F13A1: variants seen among roughly 807,000 people sequenced by gnomAD.
F13A1 encodes FSF, A subunit.
F13A1 carries 47 observed loss-of-function variants against 80.1 expected under a neutral mutation model. The ratio of observed to expected loss-of-function variants is 0.59; its 90% CI spans 0.46 to 0.75. F13A1 has a LOEUF of 0.75. Among genes scored for constraint, F13A1 ranks in the 30% least tolerant of loss-of-function variants. The probability of loss-of-function intolerance (pLI) is 0.00; values close to 1 mark genes in which losing one functional copy is unlikely to be tolerated. For synonymous variants in F13A1, 349 were observed against 344.9 expected, an observed-to-expected ratio of 1.01 and a Z score of -0.13; for missense variants, 817 against 930.4, an observed-to-expected ratio of 0.88 and a Z score of 1.59.
intron 4 of F13A1, among the ~76,000 whole-genome samples, chr6:6,263,975 C>T (rs1757810986): frequency 6.6e-6 from 1 of 152,226 alleles, no homozygotes; most frequent in African/African-American, 2.4e-5. Context: ...GTCCCACCTT[C>T]CTCCAATCCT....
At chr6:6,254,575 T>C (rs980346329) in intron 4 of F13A1, among the ~76,000 whole-genome samples, 5 of 152,204 alleles carry the variant, frequency 3.3e-5, no homozygotes, top group African/African-American at 7.2e-5. Context: ...TAGGTATATA[T>C]ATGCCATCAA....
chr6:6,318,190 G>A (rs1758713240), intron 2 of F13A1, among the ~76,000 whole-genome samples: 1 of 152,222 alleles, frequency 6.6e-6, no homozygotes, highest in Admixed American at 6.5e-5. Context: ...ATTCCAGCTA[G>A]AGAAAATTCT....
In F13A1 at chr6:6,151,953, A is replaced by T; in HGVS notation, c.1909-4T>A. 6.2e-7 allele frequency: 1 copy of T among 1,613,834 alleles called. No homozygotes were observed. Among genetic ancestry groups the T allele is most frequent in the South Asian group, 1.1e-5 (1 of 91,074 alleles). On this transcript the variant is annotated splice_polypyrimidine_tract_variant and splice_region_variant and intron_variant, in intron 13 of 14. Transcript: ENST00000264870. The stretch of plus-strand genomic sequence containing the variant: ...CAACTACCTGAGTGCCACGGACCTA[A>T]GAGAGAGAATGCAGGTCATTAGCAC...
chr6:6,316,112 T>C (rs867167077), intron 2 of F13A1, among the ~76,000 whole-genome samples: 610 of 56,310 alleles, frequency 0.011, 97 homozygotes, highest in African/African-American at 0.044. Context: ...TATATATATA[T>C]ATATATATAT....
At chr6:6,307,904 T>C (rs1758535780) in intron 2 of F13A1, among the ~76,000 whole-genome samples, 2 of 152,218 alleles carry the variant, frequency 1.3e-5, no homozygotes, top group Admixed American at 1.3e-4. Context: ...TTCTGACTTC[T>C]AGATAAATAT....
At chr6:6,195,204 G>A (rs1409040053) in intron 10 of F13A1, among the ~76,000 whole-genome samples, 1 of 152,248 alleles carries the variant, frequency 6.6e-6, no homozygotes, top group African/African-American at 2.4e-5. Context: ...AAATGGCAGA[G>A]CCTTTGCCCA....
chr6:6,194,620 T>C (rs941646298), intron 10 of F13A1, among the ~76,000 whole-genome samples: 2 of 152,210 alleles, frequency 1.3e-5, no homozygotes, highest in Non-Finnish European at 2.9e-5. Context: ...ATGCATCATA[T>C]GAATGCAGAT....
chr6:6,258,280 T>A (rs1295318707), intron 4 of F13A1, among the ~76,000 whole-genome samples: 1 of 152,142 alleles, frequency 6.6e-6, no homozygotes, highest in Non-Finnish European at 1.5e-5. Flanking sequence ...GAAATCTGAG[T>A]CTAATAATCG....
At chr6:6,303,542 G>A (rs991423780) in intron 3 of F13A1, among the ~76,000 whole-genome samples, 1 of 151,942 alleles carries the variant, frequency 6.6e-6, no homozygotes, top group African/African-American at 2.4e-5. Flanking sequence ...ATTTCTTTGT[G>A]GTGAGAATAT....
chr6:6,208,639 ATC>A (rs1471539669), intron 8 of F13A1, among the ~76,000 whole-genome samples: 36 of 152,168 alleles, frequency 2.4e-4, no homozygotes, highest in African/African-American at 8.7e-4. Flanking sequence ...CAAATAGAGA[ATC>A]TCTTTTTTAC....
Position 6,182,041 on chromosome 6 carries a change from T to C in F13A1, c.1406A>G (p.Gln469Arg). 1.2e-6 allele frequency: 2 copies of C among 1,614,240 alleles called. No individual in the cohort carries two copies. The highest frequency in any genetic ancestry group is 1.7e-6 in the Non-Finnish European group (2 of 1,180,026). ...THIGKLIVTK[Q>R]IGGDGMMDIT... is the part of the protein sequence containing the mutation. Reference sequence around the variant, plus strand: ...ATCCATCATGCCATCTCCTCCAATTTGTTTGGTCACAATTAATTTCCCAAT... The same window carrying C: ...ATCCATCATGCCATCTCCTCCAATTCGTTTGGTCACAATTAATTTCCCAAT... The change falls in exon 11 of 15, where the codon CAA becomes CGA. Residue 469 changes from glutamine (Q) to arginine (R), a missense_variant. Gln to Arg is a conservative substitution (Grantham distance 43, BLOSUM62 1). Coordinates refer to ENST00000264870, the MANE Select transcript of F13A1 (RefSeq NM_000129.4).
chr6:6,154,157 AAAAAC>A (rs1230357689), intron 13 of F13A1, among the ~76,000 whole-genome samples: 10 of 149,232 alleles, frequency 6.7e-5, no homozygotes, highest in African/African-American at 2.2e-4. Flanking sequence ...AAAAAAAAAA[AAAAAC>A]GGCAGTCAGA....
chr6:6,292,129 C>A, intron 3 of F13A1, among the ~76,000 whole-genome samples: 1 of 152,156 alleles, frequency 6.6e-6, no homozygotes, highest in East Asian at 1.9e-4. Flanking sequence ...ATGGAGATGG[C>A]CATAGTCCAA....
intron 4 of F13A1, among the ~76,000 whole-genome samples, chr6:6,256,962 G>A (rs1222381354): frequency 6.6e-6 from 1 of 152,206 alleles, no homozygotes. Context: ...GTTTAAACCA[G>A]AGTTTGGTGT....
intron 13 of F13A1, among the ~76,000 whole-genome samples, chr6:6,166,524 G>A (rs530292592): frequency 1.3e-5 from 2 of 152,310 alleles, no homozygotes; most frequent in East Asian, 3.9e-4. Context: ...CAAGAAGATT[G>A]TTCTCCAGAG....
chr6:6,289,576 AT>A lies in F13A1; in HGVS notation c.319+15774del, dbSNP rs369786050. 8.0e-4 allele frequency among the ~76,000 whole-genome samples: 121 copies of A among 152,192 alleles called. 4 individuals are homozygous for A. The South Asian group carries it at 0.016, about 20-fold the overall frequency. On this transcript the variant is annotated intron_variant, in intron 3 of 14. Transcript: ENST00000264870. ...ATTTATCCTATCATTTATTAGTGAG[AT>A]TTTTTTCCCCCTTGAGTCTCTTACT...
At position 6,300,404 on chromosome 6, in the gene F13A1, C is replaced by G. The variant is rs528613273; in HGVS notation, c.319+4947G>C. ...CCAGCAATCAGCGAGACTCCGTGGG[C>G]GTAGGACCCTCTGATCCAGGTGCGG... On this transcript the variant is annotated intron_variant, in intron 3 of 14. Transcript: ENST00000264870. Among the ~76,000 whole-genome samples the G allele has an allele frequency of 1.3e-5, 2 of 151,424 alleles. 1 individual carries two copies. The highest frequency in any genetic ancestry group is 4.9e-5 in the African/African-American group (2 of 40,732).
At chr6:6,281,006 G>A (rs561090387) in intron 3 of F13A1, among the ~76,000 whole-genome samples, 2 of 152,266 alleles carry the variant, frequency 1.3e-5, no homozygotes, top group East Asian at 3.9e-4. Flanking sequence ...TTGGGACTCA[G>A]CTGGGCCAGC....
Position 6,250,934 on chromosome 6 carries a change from A to T in F13A1, c.572-5T>A. 1.3e-6 allele frequency: 2 copies of T among 1,581,356 alleles called. No individual in the cohort carries two copies. The highest frequency in any genetic ancestry group is 2.2e-5 in the East Asian group (1 of 44,716). ...TGTCCAGATACACAGCATCATCTGC[A>T]TCAGGGTTTAAACATAGTGACTATT... is the stretch of plus-strand genomic sequence containing the variant. On this transcript the variant is annotated splice_region_variant and splice_polypyrimidine_tract_variant and intron_variant, in intron 4 of 14. Coordinates refer to ENST00000264870, the MANE Select transcript of F13A1 (RefSeq NM_000129.4). This position sits in a 1 kb window ranked among gnomAD's most constrained non-coding sequence, Gnocchi z 4.2.
Sources: allele counts gnomAD v4.1 joint callset (sites outside exome capture counted in the v4.1 genomes callset), GRCh38; gene constraint gnomAD v4.1.1; non-coding constraint Gnocchi (gnomAD v3.1); transcripts MANE v1.5; gene names NCBI Gene and HGNC (gene_info 2026-07-23, HGNC 2026-07-21).